The following FER1L6 variants were observed in gnomAD, a reference collection of about 807,000 sequenced individuals.
FER1L6 encodes the protein fer-1 like family member 6.
FER1L6 carries 177 observed loss-of-function variants against 219.2 expected under a neutral mutation model. The observed-to-expected ratio is 0.81, with a 90% CI of 0.71 to 0.91. The LOEUF (loss-of-function observed/expected upper bound fraction) is 0.91, where lower values mean the gene tolerates loss of function less well. Among genes scored for constraint, FER1L6 ranks in the 40% least tolerant of loss-of-function variants. FER1L6 has a pLI of 0.00. For missense variants in FER1L6, 2,153 were observed against 2,259.9 expected (o/e 0.95, Z 0.96); for synonymous variants, 768 against 824.3 (o/e 0.93, Z 1.17).
chr8:123,927,256 A>C (rs866525586), intron 1 of FER1L6, among the ~76,000 whole-genome samples: 2 of 152,070 alleles, frequency 1.3e-5, no homozygotes, highest in South Asian at 4.1e-4. Context: ...GACCAATCTC[A>C]TTTTGGGAAA....
intron 39 of FER1L6, among the ~76,000 whole-genome samples, chr8:124,103,842 C>A (rs1295893420): frequency 6.6e-6 from 1 of 152,204 alleles, no homozygotes; most frequent in African/African-American, 2.4e-5. Context: ...CCTCTGTAAG[C>A]CAGCAGGGAT....
intron 1 of FER1L6, among the ~76,000 whole-genome samples, chr8:123,928,338 C>T (rs1462899048): frequency 6.6e-6 from 1 of 152,130 alleles, no homozygotes; most frequent in Non-Finnish European, 1.5e-5. Context: ...TCCTAGCTTC[C>T]CTTGCAGCTA....
intron 1 of FER1L6, among the ~76,000 whole-genome samples, chr8:123,877,557 T>G (rs2130288620): frequency 6.6e-6 from 1 of 152,218 alleles, no homozygotes; most frequent in Non-Finnish European, 1.5e-5. Context: ...ATGAGAAGGC[T>G]GTCATCCCCT....
chr8:123,957,343 C>G (rs1815068025), intron 2 of FER1L6, among the ~76,000 whole-genome samples: 1 of 152,158 alleles, frequency 6.6e-6, no homozygotes, highest in Non-Finnish European at 1.5e-5. Flanking sequence ...CTTGTTGATT[C>G]AATGAAACTT....
At position 124,101,140 on chromosome 8, in the gene FER1L6, C is replaced by T; in HGVS notation, c.4927C>T (p.His1643Tyr). ...GGATGACAAGCAGGAGACAGATGTG[C>T]ATTACAACTCCCTGACTGGAGAGGG... ...LEDDKQETDVHYNSLTGEGNF... is the reference protein window; with the variant it reads ...LEDDKQETDVYYNSLTGEGNF... Residue 1643 changes from histidine to tyrosine, a missense_variant, in exon 38 of 41, where the codon CAT (histidine) becomes TAT (tyrosine). Physicochemically the swap from His to Tyr is moderately conservative, Grantham distance 83 (BLOSUM62 2). Coordinates refer to ENST00000522917, the MANE Select transcript of FER1L6 (RefSeq NM_001039112.2). 6.2e-7 allele frequency: 1 copy of T among 1,613,612 alleles called. No homozygotes were observed. The highest frequency in any genetic ancestry group is 8.5e-7 in the Non-Finnish European group (1 of 1,179,704).
chr8:124,103,837 G>A (rs1208385118), intron 39 of FER1L6, among the ~76,000 whole-genome samples: 1 of 152,174 alleles, frequency 6.6e-6, no homozygotes, highest in Non-Finnish European at 1.5e-5. Flanking sequence ...CTGATCCTCT[G>A]TAAGCCAGCA....
intron 37 of FER1L6, among the ~76,000 whole-genome samples, chr8:124,100,093 C>T (rs1167514667): frequency 6.6e-6 from 1 of 152,162 alleles, no homozygotes; most frequent in Non-Finnish European, 1.5e-5. Flanking sequence ...TGGGCCCATA[C>T]CCTGAGTGGT....
intron 1 of FER1L6, among the ~76,000 whole-genome samples, chr8:123,914,107 T>C (rs1813118181): frequency 6.6e-6 from 1 of 152,248 alleles, no homozygotes; most frequent in Admixed American, 6.5e-5. Flanking sequence ...TTAAAAAATT[T>C]AATCAGTTGC....
At chr8:124,040,145 G>A (rs758168846) in intron 20 of FER1L6, 139 bp downstream of exon 20, 6 of 1,129,464 alleles carry the variant, frequency 5.3e-6, no homozygotes, top group Non-Finnish European at 7.6e-6. Flanking sequence ...ACTGAAAAGC[G>A]AATATGTGCC....
At chr8:123,890,665 G>C (rs1268750796) in intron 1 of FER1L6, among the ~76,000 whole-genome samples, 1 of 95,740 alleles carries the variant, frequency 1.0e-5, no homozygotes, top group African/African-American at 4.2e-5. Context: ...TGATGATCTA[G>C]AGAGCTACAG....
At chr8:124,020,419 A>G (rs1227201769) in intron 16 of FER1L6, among the ~76,000 whole-genome samples, 7 of 152,216 alleles carry the variant, frequency 4.6e-5, no homozygotes, top group African/African-American at 1.4e-4. Context: ...AGGAAGGAAT[A>G]TTATAAGATG....
intron 1 of FER1L6, among the ~76,000 whole-genome samples, chr8:123,898,779 A>G (rs1327818889): frequency 7.1e-6 from 1 of 140,152 alleles, no homozygotes; most frequent in Non-Finnish European, 1.6e-5. Flanking sequence ...GTGTATATAT[A>G]CGTATGTACA....
chr8:124,097,198 C>G (rs531908538), intron 35 of FER1L6, 73 bp from the exon 36 acceptor site: 64 of 1,095,372 alleles, frequency 5.8e-5, no homozygotes, highest in Non-Finnish European at 8.1e-5. Flanking sequence ...TCTTATAAAA[C>G]CATGAATTAT....
intron 3 of FER1L6, among the ~76,000 whole-genome samples, 167 bp from the exon 4 acceptor site, chr8:123,965,840 C>T (rs1465055679): frequency 3.9e-5 from 6 of 152,108 alleles, no homozygotes; most frequent in Non-Finnish European, 7.3e-5. Flanking sequence ...GATGAGAAAA[C>T]TCAGAGGTCA....
intron 35 of FER1L6, among the ~76,000 whole-genome samples, 195 bp from the exon 36 acceptor site, chr8:124,097,072 GATAT>G (rs565301549): frequency 4.1e-5 from 6 of 146,854 alleles, no homozygotes; most frequent in East Asian, 2.0e-4. Flanking sequence ...AATTCCTAAA[GATAT>G]ATATATATAT....
intron 1 of FER1L6, among the ~76,000 whole-genome samples, chr8:123,951,386 T>C (rs1563702773): frequency 6.6e-6 from 1 of 152,178 alleles, no homozygotes; most frequent in Non-Finnish European, 1.5e-5. Context: ...AAGAAAATCA[T>C]GGAGAGAGAG....
rs1434349654 is a variant in FER1L6 at position 124,069,395 on chromosome 8, G to A, written c.3754G>A (p.Asp1252Asn). ...KPDEVVVDIE[D>N]GPKKKKDKML... is the part of the protein sequence containing the mutation. ...AGATGAGGTAGTGGTAGATATAGAA[G>A]ATGGGCCAAAGAAGAAGAAAGACAA... Residue 1252 changes from aspartate to asparagine, a missense_variant, in exon 29 of 41, where the codon GAT becomes AAT. Physicochemically the swap from Asp to Asn is conservative, Grantham distance 23 (BLOSUM62 1). Transcript: ENST00000522917. 1 of 1,612,946 alleles carries A rather than the reference G, an allele frequency of 6.2e-7. No homozygotes were observed. The highest frequency in any genetic ancestry group is 1.7e-5 in the Admixed American group (1 of 59,686).
chr8:123,948,276 T>C (rs1814591486), intron 1 of FER1L6, among the ~76,000 whole-genome samples: 1 of 152,222 alleles, frequency 6.6e-6, no homozygotes. Flanking sequence ...GCTGTACTGA[T>C]TCTCAAAGCC....
intron 14 of FER1L6, 76 bp downstream of exon 14, chr8:124,010,790 T>C: frequency 6.4e-7 from 1 of 1,564,338 alleles, no homozygotes; most frequent in African/African-American, 1.4e-5. Flanking sequence ...ATCCACCTAG[T>C]AGAGGATGTT....
Sources: gnomAD v4.1 joint callset for allele counts (sites outside exome capture counted in the v4.1 genomes callset) on GRCh38, gnomAD v4.1.1 for gene constraint, MANE v1.5 for transcripts, NCBI Gene and HGNC (gene_info 2026-07-23, HGNC 2026-07-21) for gene names.